TAOK3: variants seen among roughly 807,000 people sequenced by gnomAD.
TAOK3 encodes serine/threonine-protein kinase TAO3.
In TAOK3, 40 loss-of-function variants were observed where a neutral mutation model predicts 120.4. That is an observed-to-expected ratio of 0.33 (90% CI 0.26 to 0.43). The LOEUF (loss-of-function observed/expected upper bound fraction) is 0.43. Ranked by LOEUF, TAOK3 falls within the 20% of genes least tolerant of loss-of-function variation. The pLI, the probability that TAOK3 is intolerant of heterozygous loss-of-function variation, is 1.00. For missense variants in TAOK3, 821 were observed against 1,112.1 expected, an observed-to-expected ratio of 0.74 and a Z score of 3.72; for synonymous variants, 355 against 387.5, an observed-to-expected ratio of 0.92 and a Z score of 0.99.
intron 2 of TAOK3, among the ~76,000 whole-genome samples, chr12:118,264,652 C>G (rs2041366769): frequency 6.6e-6 from 1 of 152,104 alleles, no homozygotes; most frequent in Non-Finnish European, 1.5e-5. Flanking sequence ...TTTATTTCCA[C>G]TATGATGGTG....
intron 11 of TAOK3, among the ~76,000 whole-genome samples, chr12:118,202,512 T>C (rs568487311): frequency 1.3e-5 from 2 of 152,278 alleles, no homozygotes; most frequent in South Asian, 4.1e-4. Context: ...CTTTTCTCTA[T>C]ACCCTTGCCA....
At chr12:118,215,942 A>G (rs1333706468) in intron 9 of TAOK3, among the ~76,000 whole-genome samples, 1 of 150,682 alleles carries the variant, frequency 6.6e-6, no homozygotes, top group African/African-American at 2.4e-5. Flanking sequence ...GCTGACACCT[A>G]TAATCCCAAC....
chr12:118,333,567 A>G (rs1023641754), intron 1 of TAOK3, among the ~76,000 whole-genome samples: 1 of 152,074 alleles, frequency 6.6e-6, no homozygotes, highest in Admixed American at 6.5e-5. Flanking sequence ...AGTTTCTACC[A>G]TAAGAATCCT....
At chr12:118,196,005 G>A (rs1219610456) in intron 13 of TAOK3, among the ~76,000 whole-genome samples, 4 of 151,764 alleles carry the variant, frequency 2.6e-5, no homozygotes, top group Admixed American at 6.6e-5. Context: ...AACTGAGATC[G>A]CGCCACTGCA....
At chr12:118,221,893 T>G (rs374145113) in intron 9 of TAOK3, among the ~76,000 whole-genome samples, 1 of 151,642 alleles carries the variant, frequency 6.6e-6, no homozygotes, top group African/African-American at 2.4e-5. Context: ...CTCGGCCTCC[T>G]AAAGTGCTGG....
chr12:118,245,189 T>C (rs933626259), intron 3 of TAOK3, among the ~76,000 whole-genome samples: 10 of 152,012 alleles, frequency 6.6e-5, no homozygotes, highest in African/African-American at 1.7e-4. Flanking sequence ...CGCACCACCA[T>C]GCCACGCTAA....
At position 118,368,948 on chromosome 12, in the gene TAOK3, C is replaced by G. The variant is rs370586634; in HGVS notation, c.-194+3700G>C. ...TGGAGGCGGATGGATCACTTGAGCT[C>G]AGGAGATTGAGACCAGCCTGGGCAA... On this transcript the variant is annotated intron_variant, in intron 1 of 20. Coordinates refer to ENST00000392533, the MANE Select transcript of TAOK3 (RefSeq NM_016281.4). Among the ~76,000 whole-genome samples, 3 of 145,354 alleles carry G rather than the reference C, an allele frequency of 2.1e-5. No individual in the cohort carries two copies. In the East Asian group the frequency reaches 6.1e-4, roughly 29 times the overall value.
chr12:118,161,665 T>G lies in TAOK3; in HGVS notation c.2139+123A>C. ...GACTCTGTGCTTTGCAACTGGAGAT[T>G]CTGATACAATAGGTGTGGGGTGCAG... On this transcript the variant is annotated intron_variant, in intron 18 of 20. Coordinates refer to ENST00000392533, the MANE Select transcript of TAOK3 (RefSeq NM_016281.4). This position sits in a 1 kb window ranked among gnomAD's most constrained non-coding sequence, Gnocchi z 4.5. 5.4e-6 allele frequency: 7 copies of G among 1,288,834 alleles called. No individual in the cohort carries two copies. Among genetic ancestry groups the G allele is most frequent in the Non-Finnish European group, 6.5e-6 (6 of 923,114 alleles). 79.8% of individuals were successfully genotyped at this position (1,288,834 alleles called of 1,614,324 possible).
intron 1 of TAOK3, among the ~76,000 whole-genome samples, chr12:118,332,678 G>A (rs2044201317): frequency 6.6e-6 from 1 of 152,214 alleles, no homozygotes; most frequent in Admixed American, 6.5e-5. Context: ...CCGACTGCGG[G>A]ATGACATAAT....
chr12:118,351,825 G>A (rs989742426), intron 1 of TAOK3, among the ~76,000 whole-genome samples: 2 of 142,404 alleles, frequency 1.4e-5, no homozygotes, highest in Admixed American at 7.0e-5. Flanking sequence ...AATGCTTCTT[G>A]GTTGTGTAAA....
intron 5 of TAOK3, among the ~76,000 whole-genome samples, chr12:118,240,045 G>C (rs574596521): frequency 3.4e-4 from 52 of 152,262 alleles, no homozygotes; most frequent in African/African-American, 1.2e-3. Flanking sequence ...GCTTGCACCT[G>C]TGGTCCCAGC....
chr12:118,255,840 T>G (rs1215306973), intron 2 of TAOK3, 185 bp from the exon 3 acceptor site: 1 of 247,780 alleles, frequency 4.0e-6, no homozygotes, highest in African/African-American at 2.3e-5. Flanking sequence ...CCCGGCACTT[T>G]GGGAGGCTGA....
intron 1 of TAOK3, among the ~76,000 whole-genome samples, chr12:118,287,247 A>G (rs1034488541): frequency 2.6e-5 from 4 of 152,120 alleles, no homozygotes. Flanking sequence ...TTTAAAAAAG[A>G]ACCTAAGTTG....
At chr12:118,330,469 A>G (rs898608100) in intron 1 of TAOK3, among the ~76,000 whole-genome samples, 2 of 152,188 alleles carry the variant, frequency 1.3e-5, no homozygotes, top group Non-Finnish European at 2.9e-5. Flanking sequence ...GACCCAAACT[A>G]CATTATCATA....
intron 1 of TAOK3, among the ~76,000 whole-genome samples, chr12:118,275,328 T>A (rs1255187401): frequency 6.6e-6 from 1 of 151,922 alleles, no homozygotes; most frequent in Non-Finnish European, 1.5e-5. Context: ...AGAGATAGGG[T>A]CTTGCTATGT....
At chr12:118,349,516 T>C (rs1042299600) in intron 1 of TAOK3, among the ~76,000 whole-genome samples, 4 of 152,200 alleles carry the variant, frequency 2.6e-5, no homozygotes, top group Non-Finnish European at 5.9e-5. Flanking sequence ...AAGACACATA[T>C]TGTCTTGTTC....
At chr12:118,179,712 T>C (rs1229169994) in intron 15 of TAOK3, among the ~76,000 whole-genome samples, 3 of 145,636 alleles carry the variant, frequency 2.1e-5, no homozygotes, top group African/African-American at 7.5e-5. Flanking sequence ...TGGCGTGACC[T>C]CGGCTCACTG....
intron 1 of TAOK3, among the ~76,000 whole-genome samples, chr12:118,350,701 A>C (rs1202864596): frequency 6.6e-6 from 1 of 151,340 alleles, no homozygotes; most frequent in Non-Finnish European, 1.5e-5. Flanking sequence ...TCTACTAAAA[A>C]TACAAAAAAT....
intron 1 of TAOK3, among the ~76,000 whole-genome samples, chr12:118,331,866 A>G (rs548714653): frequency 6.8e-6 from 1 of 148,016 alleles, no homozygotes; most frequent in Admixed American, 6.8e-5. Flanking sequence ...TTGCTCTGTC[A>G]CCCAGGCTCG....
Sources: allele counts gnomAD v4.1 joint callset (sites outside exome capture counted in the v4.1 genomes callset), GRCh38; gene constraint gnomAD v4.1.1; non-coding constraint Gnocchi (gnomAD v3.1); transcripts MANE v1.5; gene names NCBI Gene and HGNC (gene_info 2026-07-23, HGNC 2026-07-21).